The following CDK14 variants were observed in gnomAD, a reference collection of about 807,000 sequenced individuals.
CDK14 encodes the protein cyclin-dependent kinase 14.
In CDK14, 34 loss-of-function variants were observed where a neutral mutation model predicts 60.7. The observed-to-expected ratio is 0.56, with a 90% CI of 0.43 to 0.75. CDK14 has a LOEUF of 0.75. CDK14 is among the 30% of genes least tolerant of loss of function. The pLI is 0.00. For synonymous variants in CDK14, 197 were observed against 203.7 expected (o/e 0.97, Z 0.28); for missense variants, 482 against 564.1 (o/e 0.85, Z 1.47).
At chr7:90,629,254 C>T (rs940286959) in intron 2 of CDK14, among the ~76,000 whole-genome samples, 7 of 152,154 alleles carry the variant, frequency 4.6e-5, no homozygotes, top group African/African-American at 1.7e-4. Flanking sequence ...ACAAACTCCT[C>T]AAGTCTGATG....
At chr7:91,148,938 G>A (rs2115672774) in intron 14 of CDK14, among the ~76,000 whole-genome samples, 1 of 152,286 alleles carries the variant, frequency 6.6e-6, no homozygotes, top group South Asian at 2.1e-4. Context: ...GTGAAAACCT[G>A]TAATCAGGGA....
At chr7:90,625,562 A>G (rs1157910975) in intron 2 of CDK14, among the ~76,000 whole-genome samples, 8 of 152,348 alleles carry the variant, frequency 5.3e-5, no homozygotes, top group Non-Finnish European at 1.0e-4. Flanking sequence ...TTTTAAATGT[A>G]GTATTTTAAA....
intron 2 of CDK14, among the ~76,000 whole-genome samples, chr7:90,621,650 T>TGCC (rs1799769614): frequency 6.7e-6 from 1 of 148,892 alleles, no homozygotes; most frequent in Non-Finnish European, 1.5e-5. Flanking sequence ...CCTTCCTTCC[T>TGCC]TCCTTCCTTC....
At chr7:90,640,224 G>A (rs544952555) in intron 2 of CDK14, among the ~76,000 whole-genome samples, 2 of 152,182 alleles carry the variant, frequency 1.3e-5, no homozygotes, top group South Asian at 4.1e-4. Flanking sequence ...CTCACGCTGG[G>A]AGCTGTAGAC....
At chr7:90,784,269 G>T (rs571056059) in intron 4 of CDK14, among the ~76,000 whole-genome samples, 8 of 152,128 alleles carry the variant, frequency 5.3e-5, no homozygotes, top group Non-Finnish European at 1.2e-4. Context: ...GTTGACAAGG[G>T]TCGTGGAGAG....
chr7:90,905,587 G>T (rs776964562), intron 7 of CDK14, among the ~76,000 whole-genome samples: 14 of 152,052 alleles, frequency 9.2e-5, no homozygotes, highest in Non-Finnish European at 2.1e-4. Context: ...TCCAGGACCA[G>T]CGTCCTGGAT....
At chr7:90,646,432 A>T (rs1800469689) in intron 2 of CDK14, among the ~76,000 whole-genome samples, 1 of 151,960 alleles carries the variant, frequency 6.6e-6, no homozygotes, top group South Asian at 2.1e-4. Context: ...AGTAGCTATA[A>T]CTTAAGCCTT....
chr7:91,053,496 G>C (rs1797450852), intron 11 of CDK14, among the ~76,000 whole-genome samples: 1 of 152,122 alleles, frequency 6.6e-6, no homozygotes, highest in Non-Finnish European at 1.5e-5. Context: ...AAAGACCTCT[G>C]TCTTCTTGTA....
chr7:91,199,345 A>T lies in CDK14; in HGVS notation c.*29-7820A>T, dbSNP rs553525506. Among the ~76,000 whole-genome samples the T allele has an allele frequency of 1.2e-4, 18 of 152,174 alleles. No homozygotes were observed. In the South Asian group the frequency reaches 3.7e-3, roughly 32 times the overall value. The stretch of plus-strand genomic sequence containing the variant: ...ATATGTTTTTTTATTAAAAAAAAAG[A>T]TTAAACATGCCTTGGTGTATCTAAG... On this transcript the variant is annotated intron_variant, in intron 14 of 14. Coordinates refer to ENST00000380050, the MANE Select transcript of CDK14 (RefSeq NM_001287135.2).
At chr7:91,132,316 A>G (rs1411758599) in intron 14 of CDK14, among the ~76,000 whole-genome samples, 2 of 152,186 alleles carry the variant, frequency 1.3e-5, no homozygotes, top group East Asian at 3.9e-4. Flanking sequence ...GGAAACAAAC[A>G]CCAAGAGCAA....
At chr7:91,167,322 A>G (rs1053793568) in intron 14 of CDK14, among the ~76,000 whole-genome samples, 4 of 152,204 alleles carry the variant, frequency 2.6e-5, no homozygotes, top group Admixed American at 2.6e-4. Flanking sequence ...GGCTCTCCAC[A>G]TTTGCCTTAT....
At chr7:90,961,770 C>G (rs955114471) in intron 9 of CDK14, among the ~76,000 whole-genome samples, 1 of 152,164 alleles carries the variant, frequency 6.6e-6, no homozygotes, top group Non-Finnish European at 1.5e-5. Context: ...GAGATTGAAG[C>G]TGATGGTTTC....
intron 10 of CDK14, among the ~76,000 whole-genome samples, chr7:91,022,984 G>C (rs1317082613): frequency 6.6e-6 from 1 of 150,650 alleles, no homozygotes; most frequent in Non-Finnish European, 1.5e-5. Context: ...AACTCTTTGG[G>C]CTTCAATATT....
Position 90,921,114 on chromosome 7 carries a change from T to G in CDK14, c.826+3390T>G, listed in dbSNP as rs147297615. Among the ~76,000 whole-genome samples, 342 of 152,286 alleles carry G rather than the reference T, an allele frequency of 2.2e-3. 4 individuals are homozygous for G. The highest frequency in any genetic ancestry group is 0.019 in the Admixed American group (291 of 15,288). The stretch of plus-strand genomic sequence containing the variant: ...TAAAATTATATGGAGGCATTCAGAC[T>G]CATTTCCTAAAAGATGGTTCATCTT... On this transcript the variant is annotated intron_variant, in intron 8 of 14. Transcript: ENST00000380050.
In CDK14 at chr7:90,974,524, TCCCGAAACAAA is replaced by T. The variant is rs746725786; in HGVS notation, c.948-9622_948-9612del. On this transcript the variant is annotated intron_variant, in intron 9 of 14. Transcript: ENST00000380050. Reference sequence around the variant, plus strand: ...GTCCCTCTGTTCTGGGTCTCTGACTTCCCGAAACAAACTTTTGCCTTGAGAATTAGGGAAGA... The same window carrying T: ...GTCCCTCTGTTCTGGGTCTCTGACTTCTTTTGCCTTGAGAATTAGGGAAGA... 2.6e-5 allele frequency among the ~76,000 whole-genome samples: 4 copies of T among 152,308 alleles called. No individual in the cohort carries two copies. The East Asian group carries it at 5.8e-4, about 22-fold the overall frequency.
chr7:91,005,650 T>C (rs538209165), intron 10 of CDK14, among the ~76,000 whole-genome samples: 1 of 152,228 alleles, frequency 6.6e-6, no homozygotes, highest in South Asian at 2.1e-4. Flanking sequence ...TCAGTTGACT[T>C]GTGGTCAGGG....
chr7:90,892,183 A>G (rs117876939), intron 6 of CDK14, among the ~76,000 whole-genome samples: 2,042 of 152,288 alleles, frequency 0.013, 22 homozygotes, highest in Non-Finnish European at 0.018. Flanking sequence ...TCAGATTCAA[A>G]ACAGGGTAAG....
chr7:90,808,487 AACTGGTAACAGCC>A (rs1251610143), intron 5 of CDK14, among the ~76,000 whole-genome samples: 2 of 152,242 alleles, frequency 1.3e-5, no homozygotes, highest in Non-Finnish European at 2.9e-5. Context: ...AGAAAGGAAC[AACTGGTAACAGCC>A]ACTGCAAAAA....
chr7:90,942,629 C>T (rs950003372), intron 8 of CDK14, among the ~76,000 whole-genome samples: 1 of 152,124 alleles, frequency 6.6e-6, no homozygotes, highest in Non-Finnish European at 1.5e-5. Flanking sequence ...AACTGCTGAT[C>T]AAGAATAGGG....
Sources: gnomAD v4.1 joint callset for allele counts (sites outside exome capture counted in the v4.1 genomes callset) on GRCh38, gnomAD v4.1.1 for gene constraint, MANE v1.5 for transcripts, NCBI Gene and HGNC (gene_info 2026-07-23, HGNC 2026-07-21) for gene names.